SH2D3A: variants seen among roughly 807,000 people sequenced by gnomAD.
SH2D3A encodes SH2 domain-containing protein 3A.
Under a neutral mutation model 50.6 loss-of-function variants are expected in SH2D3A, and 46 were observed. The observed-to-expected ratio is 0.91, with a 90% CI of 0.72 to 1.16. The LOEUF is 1.16. Ranked by LOEUF, SH2D3A falls within the 50% of genes most tolerant of loss-of-function variation. SH2D3A has a pLI of 0.00. For missense variants in SH2D3A, 783 were observed against 786.2 expected (o/e 1.00, Z 0.05); for synonymous variants, 377 against 348.4 (o/e 1.08, Z -0.91).
At chr19:6,759,769 G>T in intron 3 of SH2D3A, 99 bp from the exon 4 acceptor site, 1 of 1,210,596 alleles carries the variant, frequency 8.3e-7, no homozygotes, top group Non-Finnish European at 1.2e-6. Context: ...GTACCAGTGA[G>T]TCTCAACCAA....
Position 6,754,111 on chromosome 19 carries a change from G to A in SH2D3A, c.1325C>T (p.Ala442Val). The change falls in exon 8 of 10, where the codon GCT (alanine) becomes GTT (valine). Residue 442 changes from alanine (A) to valine (V), a missense_variant. Physicochemically the swap from Ala to Val is moderately conservative, Grantham distance 64 (BLOSUM62 0). Transcript: ENST00000245908. ...WRQLRRSHTE[A>V]ALAFEQELKP... ...CAGCTCCTGCTCAAAGGCCAGCGCA[G>A]CCTCCGTGTGGCTCCTTCGGAGCTG... 1 of 1,613,618 alleles carries A rather than the reference G, an allele frequency of 6.2e-7. No individual in the cohort carries two copies. The highest frequency in any genetic ancestry group is 1.3e-5 in the African/African-American group (1 of 75,032).
chr19:6,763,621 C>CA (rs1970147104), intron 2 of SH2D3A, 59 bp downstream of exon 2: 1 of 1,535,184 alleles, frequency 6.5e-7, no homozygotes. Context: ...CAGGAATCCT[C>CA]AGCAAGGGTG....
Position 6,755,212 on chromosome 19 carries a change from G to A in SH2D3A, c.600C>T (p.Ala200=). 1.9e-6 allele frequency: 3 copies of A among 1,574,886 alleles called. No homozygotes were observed. The highest frequency in any genetic ancestry group is 1.7e-6 in the Non-Finnish European group (2 of 1,158,566). The change falls in exon 5 of 10, where the codon GCC becomes GCT. Residue 200 remains alanine, a synonymous_variant. Transcript: ENST00000245908. ...PLGTVADSLR[A]SDGQLQAKAP... The stretch of plus-strand genomic sequence containing the variant: ...CCTTGGCTTGAAGCTGCCCATCGGA[G>A]GCCCTGAGACTGTCGGCAACAGTTC...
intron 1 of SH2D3A, among the ~76,000 whole-genome samples, chr19:6,765,641 A>C (rs1970265674): frequency 6.6e-6 from 1 of 151,188 alleles, no homozygotes. Flanking sequence ...CCAGCTACTC[A>C]GGAGGCTGAG....
chr19:6,759,629 T>G lies in SH2D3A; in HGVS notation c.461A>C (p.His154Pro), dbSNP rs1332492619. The G allele has an allele frequency of 6.2e-7, 1 of 1,614,014 alleles. No homozygotes were observed. The highest frequency in any genetic ancestry group is 2.2e-5 in the East Asian group (1 of 44,868). ...GGGGTCTTCTCTTGACCGCCCCATA[T>G]GTGCCAAATCTGCAGGCTGACTGTT... ...WSNSQPADLA[H>P]MGRSREDPAG... Residue 154 changes from histidine (H) to proline (P), a missense_variant, in exon 4 of 10, where the codon CAT (histidine) becomes CCT (proline). Physicochemically the swap from His to Pro is moderately conservative, Grantham distance 77 (BLOSUM62 -2). Transcript: ENST00000245908.
In SH2D3A at chr19:6,760,936, C is replaced by A; in HGVS notation, c.121G>T (p.Gly41Trp). The A allele has an allele frequency of 1.9e-6, 3 of 1,613,822 alleles. No homozygotes were observed. The highest frequency in any genetic ancestry group is 2.5e-6 in the Non-Finnish European group (3 of 1,179,888). The change falls in exon 3 of 10, where the codon GGG becomes TGG. Residue 41 changes from glycine (G) to tryptophan (W), a missense_variant. Coordinates refer to ENST00000245908, the MANE Select transcript of SH2D3A (RefSeq NM_005490.3). Reference sequence around the variant, plus strand: ...ATCACGGGGTTGCCCCCACGGGACCCAGAGGCGCGAACCAGGAAGTCGCCA... The same window carrying A: ...ATCACGGGGTTGCCCCCACGGGACCAAGAGGCGCGAACCAGGAAGTCGCCA... ...QNGDFLVRASGSRGGNPVISC... is the reference protein window; with the variant it reads ...QNGDFLVRASWSRGGNPVISC...
chr19:6,763,899 T>A (rs28735798), intron 1 of SH2D3A, 83 bp from the exon 2 acceptor site: 6,129 of 252,604 alleles, frequency 0.024, 399 homozygotes, highest in African/African-American at 0.14. Flanking sequence ...GACAGCTCCA[T>A]CAAATCTTTT....
Position 6,753,634 on chromosome 19 carries a change from G to A in SH2D3A, c.1392C>T (p.Cys464=), listed in dbSNP as rs778435423. 33 of 1,572,170 alleles carry A rather than the reference G, an allele frequency of 2.1e-5. No individual in the cohort carries two copies. Among genetic ancestry groups the A allele is most frequent in the Non-Finnish European group, 2.8e-5 (33 of 1,160,798 alleles). ...GCGGCAGCGCCACCTCGCCGGGGTCGCAGGGTCCTGCGGAGGGGGAGGGTC... is the reference window on the plus strand; with the variant it reads ...GCGGCAGCGCCACCTCGCCGGGGTCACAGGGTCCTGCGGAGGGGGAGGGTC... ...MRALDEGAGP[C]DPGEVALPHV... is the part of the protein sequence containing the mutation. Residue 464 remains cysteine (C), a synonymous_variant, in exon 9 of 10, where the codon TGC becomes TGT. Transcript: ENST00000245908.
At chr19:6,759,921 C>T (rs936894124) in intron 3 of SH2D3A, among the ~76,000 whole-genome samples, 3 of 152,124 alleles carry the variant, frequency 2.0e-5, no homozygotes, top group Non-Finnish European at 4.4e-5. Context: ...CCTCCTCCCC[C>T]ACAACTAAGA....
chr19:6,761,167 G>C, intron 2 of SH2D3A, 180 bp from the exon 3 acceptor site: 2 of 595,492 alleles, frequency 3.4e-6, no homozygotes, highest in South Asian at 4.1e-5. Flanking sequence ...TGGCACCTAC[G>C]TAGACTACAT....
chr19:6,762,502 CTTTTTTTTTT>C (rs35272482), intron 2 of SH2D3A, among the ~76,000 whole-genome samples: 2 of 98,828 alleles, frequency 2.0e-5, no homozygotes, highest in Non-Finnish European at 3.9e-5. Flanking sequence ...TTCTTCCGGC[CTTTTTTTTTT>C]TTTTTTTTTT....
chr19:6,759,074 C>T (rs1166140761), intron 4 of SH2D3A: 3 of 152,768 alleles, frequency 2.0e-5, no homozygotes, highest in Non-Finnish European at 4.4e-5. Flanking sequence ...GCAAGGTAAG[C>T]TGTGGTCAGA....
intron 1 of SH2D3A, among the ~76,000 whole-genome samples, chr19:6,767,102 A>G (rs948337933): frequency 6.6e-6 from 1 of 152,162 alleles, no homozygotes; most frequent in South Asian, 2.1e-4. Context: ...CTATGACCCA[A>G]GGGTTTTAAG....
chr19:6,752,696 A>AGCCT lies in SH2D3A; in HGVS notation c.1624_1627dup (p.Leu543GlnfsTer6). The AGCCT allele has an allele frequency of 6.4e-7, 1 of 1,552,772 alleles. No individual in the cohort carries two copies. The highest frequency in any genetic ancestry group is 8.7e-7 in the Non-Finnish European group (1 of 1,147,928). ...TCCCGCGCCCCGGCTACCCCAGAGC[A>AGCCT]GCCTCCGCACGAAGCCGGTGGTCAG... On this transcript the variant is annotated frameshift_variant, in exon 10 of 10. Transcript: ENST00000245908. LOFTEE classifies it low-confidence loss of function (END_TRUNC).
intron 4 of SH2D3A, 40 bp from the exon 5 acceptor site, chr19:6,755,355 G>A (rs769284462): frequency 1.4e-6 from 2 of 1,384,828 alleles, no homozygotes; most frequent in South Asian, 3.7e-5. Flanking sequence ...AATACACAGG[G>A]AAGATTGCTG....
chr19:6,754,876 G>A lies in SH2D3A; in HGVS notation c.936C>T (p.His312=), dbSNP rs770964988. The change falls in exon 5 of 10, where the codon CAC becomes CAT. Residue 312 remains histidine (H), a synonymous_variant. Coordinates refer to ENST00000245908, the MANE Select transcript of SH2D3A (RefSeq NM_005490.3). ...LHTLRGLFLE[H]HPGSTALHLL... is the part of the protein sequence containing the mutation. ...GGTGAAGGGCGGTGCTCCCAGGATG[G>A]TGCTCCAGGAACAGGCCACGGAGGG... is the stretch of plus-strand genomic sequence containing the variant. 9 of 1,599,342 alleles carry A rather than the reference G, an allele frequency of 5.6e-6. No homozygotes were observed. Among genetic ancestry groups the A allele is most frequent in the Admixed American group, 1.7e-5 (1 of 59,404 alleles).
At chr19:6,755,604 G>T (rs1329831975) in intron 4 of SH2D3A, among the ~76,000 whole-genome samples, 1 of 150,424 alleles carries the variant, frequency 6.6e-6, no homozygotes, top group African/African-American at 2.4e-5. Context: ...GCCCAGGCTG[G>T]TCTGGAATTC....
rs1373537856 is a variant in SH2D3A at position 6,755,095 on chromosome 19, G to A, written c.717C>T (p.Pro239=). ...GGCTCGGGGATGTTCCCTGGACACT[G>A]GGCACTCGGGGCACCAGCTCGCAGT... The part of the protein sequence containing the change: ...PTYCELVPRV[P]SVQGTSPSQS... The change falls in exon 5 of 10, where the codon CCC becomes CCT. Residue 239 remains proline, a synonymous_variant. Transcript: ENST00000245908. The A allele has an allele frequency of 5.6e-6, 9 of 1,614,010 alleles. No homozygotes were observed. The Admixed American group carries it at 1.0e-4, about 18-fold the overall frequency.
intron 1 of SH2D3A, 89 bp from the exon 2 acceptor site, chr19:6,763,905 C>CTTTTT (rs1168778786): frequency 0.018 from 1,939 of 108,688 alleles, 128 homozygotes; most frequent in Non-Finnish European, 0.023. Flanking sequence ...TCCATCAAAT[C>CTTTTT]TTTTTTTTTT....
Sources: gnomAD v4.1 joint callset for allele counts (sites outside exome capture counted in the v4.1 genomes callset) on GRCh38, gnomAD v4.1.1 for gene constraint, MANE v1.5 for transcripts, NCBI Gene and HGNC (gene_info 2026-07-23, HGNC 2026-07-21) for gene names.